Variants in ASTN1 observed in about 807,000 individuals in gnomAD.
ASTN1 encodes the protein astrotactin-1.
In ASTN1, 41 loss-of-function variants were observed where a neutral mutation model predicts 140.7. The observed-to-expected ratio is 0.29, with a 90% CI of 0.23 to 0.38. The LOEUF is 0.38. Among genes scored for constraint, ASTN1 ranks in the 10% least tolerant of loss-of-function variants. The pLI is 1.00. For missense variants in ASTN1, 1,479 were observed against 1,678.8 expected (o/e 0.88, Z 2.08); for synonymous variants, 640 against 652.2 (o/e 0.98, Z 0.29).
intron 16 of ASTN1, among the ~76,000 whole-genome samples, chr1:176,910,761 C>T (rs958233514): frequency 4.6e-5 from 7 of 152,150 alleles, no homozygotes; most frequent in African/African-American, 1.4e-4. Context: ...TGTTAGGAAC[C>T]GAGCTGCACA....
intron 1 of ASTN1, among the ~76,000 whole-genome samples, chr1:177,076,433 T>G (rs1678916329): frequency 6.6e-6 from 1 of 151,922 alleles, no homozygotes; most frequent in Non-Finnish European, 1.5e-5. Flanking sequence ...AAGTGCATCC[T>G]TGGTCATAAT....
In ASTN1 at chr1:176,993,295, G is replaced by C. The variant is rs569477882; in HGVS notation, c.1523+21496C>G. ...AGTCCATGTCCTTAAGGAGTTTACA[G>C]TCAAGTGGGAAAACAGACAGAACAC... is the stretch of plus-strand genomic sequence containing the variant. On this transcript the variant is annotated intron_variant, in intron 8 of 22. Transcript: ENST00000361833. 2.6e-5 allele frequency among the ~76,000 whole-genome samples: 4 copies of C among 152,324 alleles called. No individual in the cohort carries two copies. The South Asian group carries it at 8.3e-4, about 32-fold the overall frequency.
chr1:176,965,065 T>C, intron 9 of ASTN1, 98 bp downstream of exon 9: 1 of 1,171,668 alleles, frequency 8.5e-7, no homozygotes, highest in South Asian at 1.3e-5. Context: ...TCAAGGTGTT[T>C]CCTATTTTAT....
In ASTN1 at chr1:176,902,755, T is replaced by A. The variant is rs1386199885; in HGVS notation, c.2672-7925A>T. Among the ~76,000 whole-genome samples, 3 of 152,348 alleles carry A rather than the reference T, an allele frequency of 2.0e-5. No individual in the cohort carries two copies. The East Asian group carries it at 5.8e-4, about 29-fold the overall frequency. On this transcript the variant is annotated intron_variant, in intron 16 of 22. Coordinates refer to ENST00000361833, the MANE Select transcript of ASTN1 (RefSeq NM_004319.3). ...AAACACAAAAACAGCCTTTGAAACT[T>A]AGCTGTGACCCCAATTGCATCCCTT...
chr1:177,127,142 T>C (rs562042266), intron 1 of ASTN1, among the ~76,000 whole-genome samples: 1 of 152,022 alleles, frequency 6.6e-6, no homozygotes, highest in East Asian at 1.9e-4. Context: ...AAGTTTTATT[T>C]TTTTTTAAAA....
At chr1:176,903,544 T>C (rs1248944603) in intron 16 of ASTN1, among the ~76,000 whole-genome samples, 2 of 152,160 alleles carry the variant, frequency 1.3e-5, no homozygotes, top group Admixed American at 1.3e-4. Context: ...TTGTAGTAAA[T>C]TTGTGTGTGC....
In ASTN1 at chr1:176,864,043, T is replaced by C. The variant is rs909259147; in HGVS notation, c.*241A>G. 6.1e-6 allele frequency: 8 copies of C among 1,319,510 alleles called. No homozygotes were observed. Among genetic ancestry groups the C allele is most frequent in the Middle Eastern group, 2.9e-4 (1 of 3,416 alleles). The allele number at this position is 1,319,510 out of a possible 1,614,324, so 81.7% of individuals were successfully genotyped here. A position where few individuals can be genotyped will look rare whatever the true frequency, so the allele number is the denominator to read the frequency against. ...AATGGCAAAGCAAACCCCAAAGTAA[T>C]CCTCTAAAGAAATATGGCACTGCAT... is the stretch of plus-strand genomic sequence containing the variant. On this transcript the variant is annotated 3_prime_UTR_variant, in exon 23 of 23. Transcript: ENST00000361833.
chr1:177,009,342 C>T (rs912438763), intron 8 of ASTN1, among the ~76,000 whole-genome samples: 1 of 152,126 alleles, frequency 6.6e-6, no homozygotes, highest in Non-Finnish European at 1.5e-5. Context: ...TTAGTGGTCT[C>T]TAAGGAACTG....
chr1:176,905,515 A>C (rs1669947904), intron 16 of ASTN1, among the ~76,000 whole-genome samples: 1 of 152,180 alleles, frequency 6.6e-6, no homozygotes, highest in Admixed American at 6.5e-5. Context: ...TTGGATGTTA[A>C]ATCCTCTTGC....
chr1:176,957,409 T>C (rs1380268286), intron 11 of ASTN1, among the ~76,000 whole-genome samples: 1 of 152,210 alleles, frequency 6.6e-6, no homozygotes, highest in Non-Finnish European at 1.5e-5. Context: ...ATCAATGTCA[T>C]ACAATTAAGC....
intron 17 of ASTN1, among the ~76,000 whole-genome samples, chr1:176,890,736 C>T (rs577434354): frequency 4.6e-5 from 7 of 152,298 alleles, no homozygotes; most frequent in African/African-American, 1.7e-4. Context: ...ATAAGAGTTC[C>T]TACTCTGGGC....
intron 1 of ASTN1, among the ~76,000 whole-genome samples, chr1:177,111,436 AC>A (rs80140967): frequency 0.12 from 17,739 of 152,090 alleles, 1,403 homozygotes; most frequent in African/African-American, 0.21. Flanking sequence ...TCTGGGGTGG[AC>A]CCTTAGATTC....
Position 177,041,076 on chromosome 1 carries a change from G to A in ASTN1, c.472-8227C>T, listed in dbSNP as rs532414503. 2.0e-5 allele frequency among the ~76,000 whole-genome samples: 3 copies of A among 152,264 alleles called. No individual in the cohort carries two copies. The South Asian group carries it at 6.2e-4, about 32-fold the overall frequency. On this transcript the variant is annotated intron_variant, in intron 2 of 22. Transcript: ENST00000361833. ...ACCTGTTGTTTGCCTTAACGAGAAT[G>A]TTAAGGCCAAGCAGGGCTGGGTGAA... is the stretch of plus-strand genomic sequence containing the variant.
Position 176,997,425 on chromosome 1 carries a change from A to T in ASTN1, c.1523+17366T>A, listed in dbSNP as rs1220068115. 2.5e-4 allele frequency among the ~76,000 whole-genome samples: 38 copies of T among 152,192 alleles called. 2 individuals are homozygous for T. The highest frequency in any genetic ancestry group is 1.5e-5 in the Non-Finnish European group (1 of 67,990). On this transcript the variant is annotated intron_variant, in intron 8 of 22. Transcript: ENST00000361833. Reference sequence around the variant, plus strand: ...CCTTCAGATTCAAGTTTCGCATCTCAAAAATGGATAAGACCCTAGAGGACT... The same window carrying T: ...CCTTCAGATTCAAGTTTCGCATCTCTAAAATGGATAAGACCCTAGAGGACT...
chr1:176,960,838 T>TAATCATTTGCAGACTCAGGTAAGATCCTA (rs1293593520), intron 9 of ASTN1, among the ~76,000 whole-genome samples: 25 of 152,290 alleles, frequency 1.6e-4, no homozygotes, highest in African/African-American at 5.8e-4. Context: ...GCCTGACTTC[T>TAATCATTTGCAGACTCAGGTAAGATCCTA]AATCATTTGC....
chr1:177,119,142 T>C (rs1053561097), intron 1 of ASTN1, among the ~76,000 whole-genome samples: 3 of 152,286 alleles, frequency 2.0e-5, no homozygotes, highest in East Asian at 3.9e-4. Context: ...TCTCATGGCA[T>C]GGTAACTTTT....
intron 1 of ASTN1, among the ~76,000 whole-genome samples, chr1:177,152,192 T>G (rs1349679241): frequency 6.6e-6 from 1 of 152,060 alleles, no homozygotes; most frequent in Non-Finnish European, 1.5e-5. Context: ...GTGCACAGAT[T>G]TGCATTGCAT....
At chr1:176,888,362 G>A (rs2076338) in intron 17 of ASTN1, among the ~76,000 whole-genome samples, 158 bp from the exon 18 acceptor site, 47,673 of 152,068 alleles carry the variant, frequency 0.31, 8,978 homozygotes, top group East Asian at 0.73. Context: ...GATTCCAGGA[G>A]ATTGTTTCTG....
intron 11 of ASTN1, among the ~76,000 whole-genome samples, chr1:176,950,662 C>A (rs1344566904): frequency 6.6e-6 from 1 of 151,834 alleles, no homozygotes; most frequent in Non-Finnish European, 1.5e-5. Flanking sequence ...TGCATTAGAG[C>A]TAATCCTTTC....
Sources: gnomAD v4.1 joint callset for allele counts (sites outside exome capture counted in the v4.1 genomes callset) on GRCh38, gnomAD v4.1.1 for gene constraint, MANE v1.5 for transcripts, NCBI Gene and HGNC (gene_info 2026-07-23, HGNC 2026-07-21) for gene names.